The following ROCK1 variants were observed in gnomAD, a reference collection of about 807,000 sequenced individuals.
ROCK1 encodes the protein rho-associated protein kinase 1.
In ROCK1, 36 loss-of-function variants were observed where a neutral mutation model predicts 196.8. That is an observed-to-expected ratio of 0.18 (90% CI 0.14 to 0.24). ROCK1 has a LOEUF of 0.24. Among genes scored for constraint, ROCK1 ranks in the 10% least tolerant of loss-of-function variants. The pLI, the probability that ROCK1 is intolerant of heterozygous loss-of-function variation, is 1.00. For synonymous variants in ROCK1, 443 were observed against 515.9 expected (o/e 0.86, Z 1.91); for missense variants, 920 against 1,562.0 (o/e 0.59, Z 6.93).
chr18:20,956,436 G>A (rs1598505890), intron 29 of ROCK1, among the ~76,000 whole-genome samples: 2 of 152,078 alleles, frequency 1.3e-5, no homozygotes, highest in African/African-American at 4.8e-5. Context: ...TCCATGTTTG[G>A]ATGAATATAC....
chr18:21,062,695 C>G (rs1341356578), intron 2 of ROCK1, among the ~76,000 whole-genome samples: 1 of 152,048 alleles, frequency 6.6e-6, no homozygotes, highest in Non-Finnish European at 1.5e-5. Context: ...GAGAAGCTTG[C>G]CAGACACTAC....
chr18:21,055,755 T>C (rs2036240842), intron 2 of ROCK1, among the ~76,000 whole-genome samples: 1 of 152,226 alleles, frequency 6.6e-6, no homozygotes, highest in Non-Finnish European at 1.5e-5. Context: ...GCAGCTACTG[T>C]CCCATTACTC....
intron 22 of ROCK1, among the ~76,000 whole-genome samples, chr18:20,975,346 G>C (rs1450932309): frequency 2.6e-5 from 4 of 152,132 alleles, no homozygotes; most frequent in African/African-American, 4.8e-5. Flanking sequence ...AGAGAGAAGA[G>C]CAATGTACAT....
chr18:20,996,365 C>T (rs930206317), intron 16 of ROCK1, among the ~76,000 whole-genome samples: 1 of 151,888 alleles, frequency 6.6e-6, no homozygotes, highest in African/African-American at 2.4e-5. Context: ...TTTGAAAATA[C>T]AGTCATAGGA....
chr18:20,966,029 A>T (rs2035371159), intron 27 of ROCK1, among the ~76,000 whole-genome samples: 1 of 152,174 alleles, frequency 6.6e-6, no homozygotes, highest in Non-Finnish European at 1.5e-5. Flanking sequence ...CCAATATCAA[A>T]CATGCTGCTT....
At chr18:20,993,963 G>T (rs1173046016) in intron 16 of ROCK1, among the ~76,000 whole-genome samples, 1 of 152,174 alleles carries the variant, frequency 6.6e-6, no homozygotes, top group Non-Finnish European at 1.5e-5. Flanking sequence ...ACTACTCAAA[G>T]TACAGTTTGA....
intron 22 of ROCK1, among the ~76,000 whole-genome samples, chr18:20,973,363 C>T (rs941025196): frequency 6.6e-6 from 1 of 151,744 alleles, no homozygotes; most frequent in Non-Finnish European, 1.5e-5. Flanking sequence ...CTGCAATCTT[C>T]GCCTCCCAGG....
At chr18:21,019,708 G>C (rs2035896597) in intron 12 of ROCK1, among the ~76,000 whole-genome samples, 1 of 151,614 alleles carries the variant, frequency 6.6e-6, no homozygotes, top group African/African-American at 2.4e-5. Flanking sequence ...TGAGGCAGGA[G>C]AATGGCGTGA....
At chr18:21,005,903 T>C (rs1222579118) in intron 16 of ROCK1, among the ~76,000 whole-genome samples, 1 of 152,128 alleles carries the variant, frequency 6.6e-6, no homozygotes, top group African/African-American at 2.4e-5. Context: ...TAAAAAAGAA[T>C]GCAACCATTT....
chr18:21,083,869 A>C (rs1016406901), intron 1 of ROCK1, among the ~76,000 whole-genome samples: 3 of 152,192 alleles, frequency 2.0e-5, no homozygotes, highest in African/African-American at 7.2e-5. Flanking sequence ...CATGTATTTC[A>C]AATGTATGGA....
chr18:21,033,800 C>T (rs1196193519), intron 9 of ROCK1, among the ~76,000 whole-genome samples: 4 of 135,552 alleles, frequency 3.0e-5, no homozygotes, highest in Non-Finnish European at 6.1e-5. Flanking sequence ...GGGCAGATCA[C>T]GAGGTCAGGA....
At chr18:21,019,522 G>A (rs891164941) in intron 12 of ROCK1, among the ~76,000 whole-genome samples, 47 of 152,018 alleles carry the variant, frequency 3.1e-4, no homozygotes, top group African/African-American at 1.0e-3. Context: ...GGCCGGGTGC[G>A]GTGGCTCACA....
At chr18:21,014,065 C>CAAAA (rs56355855) in intron 13 of ROCK1, among the ~76,000 whole-genome samples, 1 of 69,806 alleles carries the variant, frequency 1.4e-5, no homozygotes, top group African/African-American at 4.0e-5. Flanking sequence ...GACTCTGTCT[C>CAAAA]AAAAAAAAAA....
chr18:21,084,767 G>T (rs1598557368), intron 1 of ROCK1, among the ~76,000 whole-genome samples: 1 of 152,122 alleles, frequency 6.6e-6, no homozygotes, highest in Non-Finnish European at 1.5e-5. Context: ...ACACCCAAAG[G>T]AACCGAAAGA....
intron 10 of ROCK1, among the ~76,000 whole-genome samples, chr18:21,026,865 C>A (rs1442865911): frequency 6.6e-6 from 1 of 151,888 alleles, no homozygotes; most frequent in Non-Finnish European, 1.5e-5. Flanking sequence ...TAGATTTAAC[C>A]CACCCAGTAA....
At chr18:21,064,040 C>T (rs544009366) in intron 2 of ROCK1, among the ~76,000 whole-genome samples, 1 of 152,174 alleles carries the variant, frequency 6.6e-6, no homozygotes, top group South Asian at 2.1e-4. Context: ...GAACTTACTT[C>T]AATTTCTTTA....
At chr18:21,026,336 C>A (rs1278977416) in intron 10 of ROCK1, among the ~76,000 whole-genome samples, 1 of 148,498 alleles carries the variant, frequency 6.7e-6, no homozygotes, top group Non-Finnish European at 1.5e-5. Context: ...CCCAGCTACT[C>A]GGGAGGCTGA....
intron 9 of ROCK1, among the ~76,000 whole-genome samples, chr18:21,031,818 A>G (rs941136606): frequency 3.3e-5 from 5 of 152,126 alleles, no homozygotes; most frequent in Non-Finnish European, 7.4e-5. Context: ...CTAGCACTGA[A>G]AAGTACAATA....
intron 1 of ROCK1, among the ~76,000 whole-genome samples, chr18:21,085,433 G>C (rs536475570): frequency 2.6e-5 from 4 of 151,250 alleles, no homozygotes; most frequent in African/African-American, 9.7e-5. Flanking sequence ...TGCTTCGTTA[G>C]AGGAGAAGGT....
Sources: allele counts gnomAD v4.1 joint callset (sites outside exome capture counted in the v4.1 genomes callset), GRCh38; gene constraint gnomAD v4.1.1; transcripts MANE v1.5; gene names NCBI Gene and HGNC (gene_info 2026-07-23, HGNC 2026-07-21).